CSMD1: variants seen among roughly 807,000 people sequenced by gnomAD.
CSMD1 encodes the protein CUB and sushi domain-containing protein 1.
In CSMD1, 213 loss-of-function variants were observed where a neutral mutation model predicts 417.5. The observed-to-expected ratio is 0.51, with a 90% CI of 0.46 to 0.57. CSMD1 has a LOEUF of 0.57. CSMD1 is among the 20% of genes least tolerant of loss of function. CSMD1 has a pLI of 0.00. For synonymous variants in CSMD1, 2,862 were observed against 1,736.8 expected (o/e 1.65, Z -16.11); for missense variants, 6,923 against 4,529.7 (o/e 1.53, Z -15.17).
chr8:4,499,456 G>C (rs759171785), intron 2 of CSMD1, among the ~76,000 whole-genome samples: 1 of 152,194 alleles, frequency 6.6e-6, no homozygotes, highest in African/African-American at 2.4e-5. Context: ...CTTCCACAAA[G>C]AGTGATTCTG....
intron 10 of CSMD1, among the ~76,000 whole-genome samples, chr8:3,501,737 G>A (rs187315548): frequency 7.9e-5 from 12 of 152,058 alleles, no homozygotes; most frequent in Admixed American, 4.6e-4. Context: ...TTATTAACAC[G>A]GTTGCAAGAA....
intron 5 of CSMD1, among the ~76,000 whole-genome samples, chr8:3,978,447 C>G (rs1485468907): frequency 6.6e-6 from 1 of 152,032 alleles, no homozygotes; most frequent in Non-Finnish European, 1.5e-5. Context: ...ACCTACCTAC[C>G]AATACAGGCA....
In CSMD1 at chr8:4,922,440, G is replaced by C. The variant is rs539038323; in HGVS notation, c.85+71892C>G. Among the ~76,000 whole-genome samples the C allele has an allele frequency of 9.7e-4, 147 of 152,218 alleles. 2 individuals carry two copies. The highest frequency in any genetic ancestry group is 3.2e-4 in the Non-Finnish European group (22 of 68,008). The stretch of plus-strand genomic sequence containing the variant: ...GAAATTAAAGGTCAAATGATATTTA[G>C]CAATAAGAACTTCTAATAACTTGAT... On this transcript the variant is annotated intron_variant, in intron 1 of 69. Coordinates refer to ENST00000635120, the MANE Select transcript of CSMD1 (RefSeq NM_033225.6).
chr8:4,034,109 T>A (rs762497767), intron 3 of CSMD1, among the ~76,000 whole-genome samples: 1 of 152,230 alleles, frequency 6.6e-6, no homozygotes, highest in Non-Finnish European at 1.5e-5. Context: ...ATTGATATAA[T>A]GTAGAATAAT....
chr8:4,807,408 C>A (rs957855423), intron 1 of CSMD1, among the ~76,000 whole-genome samples: 2 of 152,254 alleles, frequency 1.3e-5, no homozygotes, highest in African/African-American at 2.4e-5. Flanking sequence ...GTGCTCCAGG[C>A]AGCCAAACAT....
In CSMD1 at chr8:3,387,590, T is replaced by A. The variant is rs752757436; in HGVS notation, c.2686A>T (p.Thr896Ser). 2.4e-5 allele frequency: 39 copies of A among 1,601,046 alleles called. No individual in the cohort carries two copies. The Admixed American group carries it at 6.7e-4, about 27-fold the overall frequency. Residue 896 changes from threonine (T) to serine (S), a missense_variant, in exon 18 of 70, where the codon ACT becomes TCT. Coordinates refer to ENST00000635120, the MANE Select transcript of CSMD1 (RefSeq NM_033225.6). ...GTGTACCCCGGGTCACAGCTGAAAGTCACTGTGGACCTGATGCCAAAGTCT... is the reference window on the plus strand; with the variant it reads ...GTGTACCCCGGGTCACAGCTGAAAGACACTGTGGACCTGATGCCAAAGTCT... ...GGDFGIRSTV[T>S]FSCDPGYTLS...
intron 2 of CSMD1, among the ~76,000 whole-genome samples, chr8:4,437,002 A>C (rs537634561): frequency 6.6e-6 from 1 of 152,294 alleles, no homozygotes; most frequent in Non-Finnish European, 1.5e-5. Flanking sequence ...TTCTAGGACT[A>C]TCCTGATTCT....
chr8:3,920,359 T>TGTG (rs56406995), intron 5 of CSMD1, among the ~76,000 whole-genome samples: 6,853 of 150,372 alleles, frequency 0.046, 479 homozygotes, highest in African/African-American at 0.15. Flanking sequence ...GCGTGTGTGT[T>TGTG]TGTGTGTGTG....
chr8:2,973,196 C>A lies in CSMD1; in HGVS notation c.8844G>T (p.Met2948Ile). 2 of 1,613,880 alleles carry A rather than the reference C, an allele frequency of 1.2e-6. No homozygotes were observed. Among genetic ancestry groups the A allele is most frequent in the Non-Finnish European group, 1.7e-6 (2 of 1,179,816 alleles). ...CAGGGGAGCCCCTCAGCTGGTGCCC[C>A]ATTTCACAGGAGAAGCGGAGAAGAC... The part of the protein sequence containing the change: ...TKSLLRFSCE[M>I]GHQLRGSPER... Residue 2948 changes from methionine to isoleucine, a missense_variant, in exon 57 of 70, where the codon ATG becomes ATT. Met to Ile is a conservative substitution (Grantham distance 10). Transcript: ENST00000635120.
intron 1 of CSMD1, among the ~76,000 whole-genome samples, chr8:4,976,001 C>A (rs573366915): frequency 9.2e-5 from 14 of 152,174 alleles, no homozygotes; most frequent in African/African-American, 3.4e-4. Flanking sequence ...GACACTCAAC[C>A]CTTTCTGGTT....
At chr8:3,079,786 A>T (rs908157820) in intron 49 of CSMD1, among the ~76,000 whole-genome samples, 1 of 152,130 alleles carries the variant, frequency 6.6e-6, no homozygotes, top group African/African-American at 2.4e-5. Context: ...CTGGAGCTTA[A>T]ATCCCACCTG....
intron 1 of CSMD1, among the ~76,000 whole-genome samples, chr8:4,830,340 G>C (rs1011815861): frequency 1.3e-5 from 2 of 152,144 alleles, no homozygotes; most frequent in African/African-American, 4.8e-5. Context: ...CATCTACCAA[G>C]ATTTGACACA....
At chr8:3,510,123 G>A (rs988784602) in intron 10 of CSMD1, among the ~76,000 whole-genome samples, 2 of 149,412 alleles carry the variant, frequency 1.3e-5, no homozygotes, top group Admixed American at 1.3e-4. Flanking sequence ...ATAAGGACAT[G>A]AATTGACAGA....
intron 6 of CSMD1, among the ~76,000 whole-genome samples, chr8:3,724,206 T>TA (rs1330147001): frequency 1.9e-4 from 27 of 138,978 alleles, no homozygotes; most frequent in African/African-American, 7.2e-4. Context: ...TTTTTTTTTT[T>TA]TATTATTATA....
intron 5 of CSMD1, among the ~76,000 whole-genome samples, chr8:3,954,432 T>A (rs1811798371): frequency 6.6e-6 from 1 of 152,080 alleles, no homozygotes; most frequent in Admixed American, 6.5e-5. Context: ...GCGGTGGTGA[T>A]CTCAGCTCAC....
chr8:3,413,412 G>C (rs1347474309), intron 12 of CSMD1, among the ~76,000 whole-genome samples: 9 of 152,164 alleles, frequency 5.9e-5, no homozygotes, highest in Admixed American at 5.9e-4. Context: ...GCTGATGTTT[G>C]TTTATCCTGA....
intron 5 of CSMD1, among the ~76,000 whole-genome samples, chr8:3,761,369 T>G (rs1797987257): frequency 6.6e-6 from 1 of 152,046 alleles, no homozygotes; most frequent in Non-Finnish European, 1.5e-5. Flanking sequence ...AAAAGTTTTG[T>G]GCACACGTAT....
chr8:2,970,939 C>A (rs866285759), intron 57 of CSMD1, among the ~76,000 whole-genome samples: 1 of 152,176 alleles, frequency 6.6e-6, no homozygotes, highest in Non-Finnish European at 1.5e-5. Context: ...TTCTTACACA[C>A]CCTTTAGTCA....
intron 41 of CSMD1, among the ~76,000 whole-genome samples, chr8:3,134,014 C>G (rs1216083924): frequency 6.6e-6 from 1 of 152,000 alleles, no homozygotes; most frequent in Non-Finnish European, 1.5e-5. Context: ...CCTGTCTCCA[C>G]TAAAACTACA....
Sources: allele counts gnomAD v4.1 joint callset (sites outside exome capture counted in the v4.1 genomes callset), GRCh38; gene constraint gnomAD v4.1.1; transcripts MANE v1.5; gene names NCBI Gene and HGNC (gene_info 2026-07-23, HGNC 2026-07-21).